Variants in MAMLD1 observed in about 807,000 individuals in gnomAD.
MAMLD1 encodes mastermind like domain containing 1.
MAMLD1 carries 14 observed loss-of-function variants against 45.0 expected under a neutral mutation model. The observed-to-expected ratio is 0.31, with a 90% CI of 0.21 to 0.49. MAMLD1 has a LOEUF of 0.49. Among genes scored for constraint, MAMLD1 ranks in the 20% least tolerant of loss-of-function variants. The probability of loss-of-function intolerance (pLI) is 0.99; values close to 1 mark genes in which losing one functional copy is unlikely to be tolerated. For missense variants in MAMLD1, 543 were observed against 603.6 expected (o/e 0.90, Z 1.05); for synonymous variants, 254 against 247.8 (o/e 1.02, Z -0.24).
At chrX:150,370,702 C>G (rs948812455) in intron 1 of MAMLD1, among the ~76,000 whole-genome samples, 5 of 111,945 alleles carry the variant, frequency 4.5e-5, no homozygotes, top group African/African-American at 6.5e-5. Flanking sequence ...CCCCCCAGCT[C>G]TGGTTGCTTT....
At chrX:150,398,341 G>GAAGAAGAAGAAGA (rs1569564632) in intron 1 of MAMLD1, among the ~76,000 whole-genome samples, 1 of 64,971 alleles carries the variant, frequency 1.5e-5, no homozygotes, top group African/African-American at 5.5e-5. Flanking sequence ...AGAAGAAGAA[G>GAAGAAGAAGAAGA]AGGAAGAGGA....
chrX:150,511,572 C>T lies in MAMLD1; in HGVS notation c.*45-432C>T, dbSNP rs782416702. Reference sequence around the variant, plus strand: ...GAATCTAAGAGGCTGAGCTAGCTCCCGCCACCAGCCCAGCCCACCCCACCT... The same window carrying T: ...GAATCTAAGAGGCTGAGCTAGCTCCTGCCACCAGCCCAGCCCACCCCACCT... On this transcript the variant is annotated intron_variant, in intron 7 of 7. Coordinates refer to ENST00000370401, the MANE Select transcript of MAMLD1 (RefSeq NM_005491.5). 5.4e-5 allele frequency among the ~76,000 whole-genome samples: 6 copies of T among 112,074 alleles called. No individual in the cohort carries two copies. In the East Asian group the frequency reaches 8.5e-4, roughly 16 times the overall value.
chrX:150,382,891 T>TA (rs2032705562), intron 1 of MAMLD1, among the ~76,000 whole-genome samples: 3 of 33,369 alleles, frequency 9.0e-5, no homozygotes, highest in Admixed American at 2.7e-4. Flanking sequence ...TTTTATTTTT[T>TA]TTTTTTTTTA....
chrX:150,446,379 C>T (rs1380259829), intron 2 of MAMLD1, among the ~76,000 whole-genome samples: 5 of 111,319 alleles, frequency 4.5e-5, no homozygotes, highest in Non-Finnish European at 7.5e-5. Flanking sequence ...AGCCGTGGGT[C>T]GGCTTCCTTC....
chrX:150,384,385 G>A (rs1429318967), intron 1 of MAMLD1, among the ~76,000 whole-genome samples: 6 of 111,670 alleles, frequency 5.4e-5, no homozygotes, highest in African/African-American at 1.3e-4. Context: ...ATCTTTTCAC[G>A]TGCTTTATTG....
chrX:150,362,642 TCG>T (rs1485401402), upstream of MAMLD1, among the ~76,000 whole-genome samples: 1 of 111,910 alleles, frequency 8.9e-6, no homozygotes, highest in African/African-American at 3.3e-5. Context: ...CTCTCCGTGC[TCG>T]CTCTTCGTGT....
At chrX:150,380,200 C>G (rs186753036) in intron 1 of MAMLD1, among the ~76,000 whole-genome samples, 92 of 111,943 alleles carry the variant, frequency 8.2e-4, no homozygotes, top group African/African-American at 2.9e-3. Flanking sequence ...ATTTGCTTTA[C>G]TTTTTAATTT....
intron 1 of MAMLD1, among the ~76,000 whole-genome samples, chrX:150,380,595 A>G (rs2032555138): frequency 9.0e-6 from 1 of 111,095 alleles, no homozygotes; most frequent in Admixed American, 9.5e-5. Context: ...GCCTTTCCTC[A>G]CATCCAGTTT....
chrX:150,386,025 C>T (rs1390584177), intron 1 of MAMLD1, among the ~76,000 whole-genome samples: 1 of 111,003 alleles, frequency 9.0e-6, no homozygotes, highest in Non-Finnish European at 1.9e-5. Flanking sequence ...AAGTTGTCTT[C>T]TGTTATTTCC....
chrX:150,400,326 T>C (rs1266343533), intron 1 of MAMLD1, among the ~76,000 whole-genome samples: 3 of 112,460 alleles, frequency 2.7e-5, no homozygotes, highest in Middle Eastern at 4.6e-3. Context: ...GCAAAGATGT[T>C]AAAAGTCATT....
chrX:150,467,725 T>C (rs1557406049), intron 3 of MAMLD1, among the ~76,000 whole-genome samples: 1 of 112,331 alleles, frequency 8.9e-6, no homozygotes. Context: ...AGCTGAGTGG[T>C]GGTGGAGGGG....
intron 1 of MAMLD1, among the ~76,000 whole-genome samples, chrX:150,367,869 TCCCTACA>T: frequency 8.9e-6 from 1 of 111,734 alleles, no homozygotes; most frequent in East Asian, 2.8e-4. Flanking sequence ...TTCATCCATG[TCCCTACA>T]AAGGACATGA....
chrX:150,463,700 C>A (rs782821008), intron 3 of MAMLD1, among the ~76,000 whole-genome samples: 1 of 111,626 alleles, frequency 9.0e-6, no homozygotes, highest in African/African-American at 3.3e-5. Context: ...ATAGTTCTGG[C>A]AGAAGCCTGT....
chrX:150,392,602 G>A lies in MAMLD1; in HGVS notation c.-64+29072G>A, dbSNP rs1003217108. ...TTACATGAGAATTGGGGATGGGGTG[G>A]AGTGGAATATCAACTTCCCACTTTG... On this transcript the variant is annotated intron_variant, in intron 1 of 7. Coordinates refer to ENST00000370401, the MANE Select transcript of MAMLD1 (RefSeq NM_005491.5). 2.7e-5 allele frequency among the ~76,000 whole-genome samples: 3 copies of A among 109,625 alleles called. No homozygotes were observed. In the South Asian group the frequency reaches 1.2e-3, roughly 44 times the overall value.
At chrX:150,397,329 TA>T (rs1181420120) in intron 1 of MAMLD1, among the ~76,000 whole-genome samples, 22 of 112,360 alleles carry the variant, frequency 2.0e-4, no homozygotes, top group African/African-American at 6.1e-4. Context: ...CTGACATCTT[TA>T]TGATGTTGAG....
intron 1 of MAMLD1, among the ~76,000 whole-genome samples, chrX:150,435,433 G>A (rs5970125): frequency 0.016 from 1,769 of 111,698 alleles, 42 homozygotes; most frequent in African/African-American, 0.055. Flanking sequence ...AGAATTGCTT[G>A]AACCTGGGAG....
intron 1 of MAMLD1, among the ~76,000 whole-genome samples, chrX:150,424,247 C>T (rs1483046017): frequency 1.8e-5 from 2 of 112,812 alleles, no homozygotes; most frequent in Admixed American, 9.3e-5. Flanking sequence ...TGAGCCCACT[C>T]TGTGGGATTA....
At chrX:150,405,937 G>A (rs1339987703) in intron 1 of MAMLD1, among the ~76,000 whole-genome samples, 10 of 111,200 alleles carry the variant, frequency 9.0e-5, no homozygotes, top group Non-Finnish European at 1.5e-4. Flanking sequence ...ACCCTCCCCA[G>A]CGTGGCCATT....
chrX:150,438,659 G>T (rs2035199210), intron 1 of MAMLD1, among the ~76,000 whole-genome samples: 1 of 111,756 alleles, frequency 8.9e-6, no homozygotes, highest in African/African-American at 3.3e-5. Flanking sequence ...TGTTTTCAAG[G>T]TTCATTCATG....
Sources: allele counts gnomAD v4.1 joint callset (sites outside exome capture counted in the v4.1 genomes callset), GRCh38; gene constraint gnomAD v4.1.1; transcripts MANE v1.5; gene names NCBI Gene and HGNC (gene_info 2026-07-23, HGNC 2026-07-21).